The following DMD variants were observed in gnomAD, a reference collection of about 807,000 sequenced individuals.
DMD encodes mutant dystrophin.
Under a neutral mutation model 330.1 loss-of-function variants are expected in DMD, and 63 were observed. The observed-to-expected ratio is 0.19, with a 90% confidence interval of 0.16 to 0.24. The LOEUF is 0.24. Among genes scored for constraint, DMD ranks in the 10% least tolerant of loss-of-function variants. DMD has a pLI of 1.00. For missense variants in DMD, 3,344 were observed against 2,684.1 expected, an observed-to-expected ratio of 1.25 and a Z score of -5.43; for synonymous variants, 1,223 against 959.8, an observed-to-expected ratio of 1.27 and a Z score of -5.07.
At position 33,009,597 on chromosome X, in the gene DMD, T is replaced by C. The variant is rs1418762572; in HGVS notation, c.93+10542A>G. 2.4e-4 allele frequency among the ~76,000 whole-genome samples: 12 copies of C among 49,820 alleles called. 2 individuals carry two copies. Among genetic ancestry groups the C allele is most frequent in the Admixed American group, 8.3e-4 (4 of 4,819 alleles). 43.3% of individuals were successfully genotyped at this position (49,820 alleles called of 115,157 possible). On this transcript the variant is annotated intron_variant, in intron 2 of 78. Transcript: ENST00000357033. ...ATATACACATATGTGTGTATGTGTG[T>C]ATGTGTATATACACATATGTGTGTA...
chrX:31,212,202 T>C (rs745609688), intron 64 of DMD, among the ~76,000 whole-genome samples: 4 of 100,497 alleles, frequency 4.0e-5, no homozygotes, highest in Non-Finnish European at 6.0e-5. Context: ...GTGTGTGTGT[T>C]TGTGTGTATT....
intron 7 of DMD, among the ~76,000 whole-genome samples, chrX:32,737,672 C>G (rs1031380190): frequency 3.6e-5 from 4 of 111,850 alleles, no homozygotes; most frequent in African/African-American, 1.3e-4. Context: ...TGCTGCTTCA[C>G]TAAATCAGTT....
At chrX:31,165,849 AACTC>A (rs2039365466) in intron 74 of DMD, among the ~76,000 whole-genome samples, 1 of 111,887 alleles carries the variant, frequency 8.9e-6, no homozygotes, top group Non-Finnish European at 1.9e-5. Context: ...CTATGGGAAA[AACTC>A]AGTCAGATTT....
chrX:31,788,003 G>C (rs924148329), intron 50 of DMD, among the ~76,000 whole-genome samples: 3 of 111,953 alleles, frequency 2.7e-5, no homozygotes, highest in African/African-American at 9.7e-5. Flanking sequence ...AATTCTTTTT[G>C]AACGTATGAA....
At chrX:31,421,858 ACTCTCTCT>A (rs56157177) in intron 60 of DMD, among the ~76,000 whole-genome samples, 16 of 77,334 alleles carry the variant, frequency 2.1e-4, no homozygotes, top group African/African-American at 4.3e-4. Flanking sequence ...CTCCCTGCTT[ACTCTCTCT>A]CTCTCTCTCT....
At chrX:32,328,205 T>A (rs955420772) in intron 41 of DMD, among the ~76,000 whole-genome samples, 1 of 111,861 alleles carries the variant, frequency 8.9e-6, no homozygotes, top group Admixed American at 9.5e-5. Flanking sequence ...AATGTAATAC[T>A]TCTGTTTTGA....
At chrX:31,389,605 T>C (rs1040953911) in intron 60 of DMD, among the ~76,000 whole-genome samples, 3 of 112,178 alleles carry the variant, frequency 2.7e-5, no homozygotes, top group African/African-American at 9.7e-5. Flanking sequence ...TTTTAAAAAA[T>C]CATTTCTACA....
At chrX:32,171,974 TAAG>T (rs1159370988) in intron 44 of DMD, among the ~76,000 whole-genome samples, 2 of 111,938 alleles carry the variant, frequency 1.8e-5, no homozygotes, top group African/African-American at 6.5e-5. Flanking sequence ...TCTTCTCTAT[TAAG>T]ATAAAGGACA....
At chrX:32,875,642 G>A (rs1301675815) in intron 2 of DMD, among the ~76,000 whole-genome samples, 2 of 112,282 alleles carry the variant, frequency 1.8e-5, no homozygotes, top group Non-Finnish European at 3.8e-5. Context: ...CTACTCCACT[G>A]AAATTGTTAC....
At chrX:31,505,388 C>T (rs866949149) in intron 56 of DMD, among the ~76,000 whole-genome samples, 8 of 111,407 alleles carry the variant, frequency 7.2e-5, no homozygotes, top group Middle Eastern at 4.6e-3. Context: ...AGGGTGCAAA[C>T]TTGTGAAAAA....
chrX:31,558,335 A>G (rs2074978213), intron 55 of DMD, among the ~76,000 whole-genome samples: 1 of 111,121 alleles, frequency 9.0e-6, no homozygotes, highest in Admixed American at 9.7e-5. Context: ...TTGGTGTTGA[A>G]TATGTGTGTA....
chrX:31,517,057 G>A (rs2072282600), intron 55 of DMD, among the ~76,000 whole-genome samples: 1 of 111,330 alleles, frequency 9.0e-6, no homozygotes. Flanking sequence ...AAGATGAGAG[G>A]TATCTTTCTC....
intron 2 of DMD, among the ~76,000 whole-genome samples, chrX:32,901,213 T>C (rs943385697): frequency 2.7e-5 from 3 of 111,872 alleles, no homozygotes; most frequent in Non-Finnish European, 3.8e-5. Flanking sequence ...TATACAAATG[T>C]GATAAACAGC....
intron 50 of DMD, among the ~76,000 whole-genome samples, chrX:31,813,554 G>C (rs2092524687): frequency 8.9e-6 from 1 of 112,180 alleles, no homozygotes; most frequent in African/African-American, 3.2e-5. Context: ...TGCCATGATT[G>C]TGAGGCCTCT....
At chrX:31,373,370 T>G (rs2059702913) in intron 60 of DMD, among the ~76,000 whole-genome samples, 1 of 98,136 alleles carries the variant, frequency 1.0e-5, no homozygotes, top group South Asian at 5.9e-4. Flanking sequence ...AAGTCAATCC[T>G]AAGCCAAAAG....
intron 11 of DMD, among the ~76,000 whole-genome samples, chrX:32,623,153 T>C (rs996079076): frequency 1.8e-5 from 2 of 111,375 alleles, no homozygotes; most frequent in Non-Finnish European, 3.8e-5. Flanking sequence ...AAGATTGAAA[T>C]AACTAGTAAT....
At chrX:32,147,428 C>A (rs2096783011) in intron 44 of DMD, among the ~76,000 whole-genome samples, 1 of 111,776 alleles carries the variant, frequency 8.9e-6, no homozygotes, top group African/African-American at 3.3e-5. Context: ...TACTGATTGA[C>A]ATATGACTTC....
chrX:32,529,108 A>C (rs2047211941), intron 17 of DMD, among the ~76,000 whole-genome samples: 1 of 104,191 alleles, frequency 9.6e-6, no homozygotes, highest in African/African-American at 3.5e-5. Context: ...CCTATTTTTC[A>C]TAGAGACGGG....
chrX:32,693,990 A>G (rs2063468656), intron 9 of DMD, among the ~76,000 whole-genome samples: 1 of 112,219 alleles, frequency 8.9e-6, no homozygotes, highest in African/African-American at 3.2e-5. Flanking sequence ...GATTTCCCAG[A>G]CATCGTACCC....
Sources: gnomAD v4.1 joint callset for allele counts (sites outside exome capture counted in the v4.1 genomes callset) on GRCh38, gnomAD v4.1.1 for gene constraint, MANE v1.5 for transcripts, NCBI Gene and HGNC (gene_info 2026-07-23, HGNC 2026-07-21) for gene names.